KIAA1549L: variants seen among roughly 807,000 people sequenced by gnomAD.
The protein encoded by KIAA1549L is UPF0606 protein KIAA1549L.
Under a neutral mutation model 160.7 loss-of-function variants are expected in KIAA1549L, and 88 were observed. That is an observed-to-expected ratio of 0.55 (90% CI 0.46 to 0.65). The LOEUF is 0.65. Ranked by LOEUF, KIAA1549L falls within the 30% of genes least tolerant of loss-of-function variation. The probability of loss-of-function intolerance (pLI) is 0.00; values close to 1 mark genes in which losing one functional copy is unlikely to be tolerated. For missense variants in KIAA1549L, 2,258 were observed against 2,437.5 expected, an observed-to-expected ratio of 0.93 and a Z score of 1.55; for synonymous variants, 950 against 976.7, an observed-to-expected ratio of 0.97 and a Z score of 0.51.
At chr11:33,570,068 A>G (rs1855196687) in intron 9 of KIAA1549L, among the ~76,000 whole-genome samples, 1 of 150,586 alleles carries the variant, frequency 6.6e-6, no homozygotes, top group Non-Finnish European at 1.5e-5. Context: ...CAGTGGCACA[A>G]TATTGGCACA....
intron 1 of KIAA1549L, among the ~76,000 whole-genome samples, chr11:33,408,318 G>T (rs991385322): frequency 1.3e-5 from 2 of 151,974 alleles, no homozygotes; most frequent in African/African-American, 4.8e-5. Context: ...CTGGGCAGGG[G>T]ACTTCGTCAC....
intron 10 of KIAA1549L, 97 bp from the exon 11 acceptor site, chr11:33,583,241 G>T: frequency 1.7e-6 from 2 of 1,199,158 alleles, no homozygotes; most frequent in Non-Finnish European, 2.3e-6. Flanking sequence ...ACGTCCTTCT[G>T]TCCAGGACTT....
intron 1 of KIAA1549L, among the ~76,000 whole-genome samples, chr11:33,400,783 A>T (rs918284902): frequency 5.9e-5 from 9 of 152,164 alleles, no homozygotes; most frequent in Non-Finnish European, 1.2e-4. Context: ...ATTTCCCATG[A>T]TCCAGACACT....
intron 1 of KIAA1549L, among the ~76,000 whole-genome samples, chr11:33,510,076 C>A (rs973226207): frequency 3.3e-5 from 5 of 152,078 alleles, no homozygotes; most frequent in Non-Finnish European, 1.5e-5. Flanking sequence ...GCCAAGGGAG[C>A]CTTCATTAGT....
chr11:33,570,572 AC>A (rs1470722163), intron 9 of KIAA1549L, among the ~76,000 whole-genome samples: 1 of 152,162 alleles, frequency 6.6e-6, no homozygotes, highest in African/African-American at 2.4e-5. Context: ...GAAAGGAATA[AC>A]ATGCCCCAGT....
chr11:33,519,816 C>T (rs1329042209), intron 1 of KIAA1549L, among the ~76,000 whole-genome samples: 1 of 152,150 alleles, frequency 6.6e-6, no homozygotes, highest in Admixed American at 6.6e-5. Flanking sequence ...CCAGAATGTT[C>T]TGTGGAGGCT....
chr11:33,673,320 A>G lies in KIAA1549L; in HGVS notation c.*5166A>G, dbSNP rs1183381800. On this transcript the variant is annotated 3_prime_UTR_variant, in exon 21 of 21. Coordinates refer to ENST00000658780, the MANE Select transcript of KIAA1549L (RefSeq NM_012194.3). The stretch of plus-strand genomic sequence containing the variant: ...TCTGACTTTGGTCAGACTTTTGCAA[A>G]TTATGGAGAGAGGCCATCAACATAT... The G allele has an allele frequency of 6.6e-6, 1 of 152,168 alleles. No individual in the cohort carries two copies. The highest frequency in any genetic ancestry group is 1.5e-5 in the Non-Finnish European group (1 of 68,024). The allele number at this position is 152,168 out of a possible 1,614,324, so 9.4% of individuals were successfully genotyped here.
At chr11:33,661,857 G>T (rs892588180) in intron 20 of KIAA1549L, among the ~76,000 whole-genome samples, 1 of 136,804 alleles carries the variant, frequency 7.3e-6, no homozygotes, top group Admixed American at 8.2e-5. Context: ...TCCCGCTGGG[G>T]CGATAGAGCA....
intron 16 of KIAA1549L, among the ~76,000 whole-genome samples, chr11:33,633,575 C>T (rs936916592): frequency 6.6e-6 from 1 of 152,150 alleles, no homozygotes; most frequent in Non-Finnish European, 1.5e-5. Flanking sequence ...TCCTCGCTCC[C>T]TGCAGTGCCA....
At chr11:33,594,440 A>G (rs1468072429) in intron 12 of KIAA1549L, among the ~76,000 whole-genome samples, 4 of 152,184 alleles carry the variant, frequency 2.6e-5, no homozygotes, top group East Asian at 1.9e-4. Context: ...GTCAGGTGAC[A>G]GATCAACTGG....
At chr11:33,578,036 CCT>C (rs1855513283) in intron 10 of KIAA1549L, among the ~76,000 whole-genome samples, 1 of 152,192 alleles carries the variant, frequency 6.6e-6, no homozygotes, top group Non-Finnish European at 1.5e-5. Flanking sequence ...TTCCTTCACT[CCT>C]CAAGGCCACC....
intron 18 of KIAA1549L, among the ~76,000 whole-genome samples, chr11:33,656,809 C>G (rs545520859): frequency 1.9e-4 from 29 of 152,172 alleles, no homozygotes; most frequent in African/African-American, 6.5e-4. Flanking sequence ...AGGAGTTTCC[C>G]TCGGAATAGG....
At chr11:33,532,104 A>G (rs1286966475) in intron 1 of KIAA1549L, among the ~76,000 whole-genome samples, 1 of 152,204 alleles carries the variant, frequency 6.6e-6, no homozygotes, top group East Asian at 1.9e-4. Flanking sequence ...AGGCTGCAGA[A>G]TAACTCTTGG....
intron 4 of KIAA1549L, 46 bp downstream of exon 4, chr11:33,547,925 T>C: frequency 8.1e-7 from 1 of 1,230,202 alleles, no homozygotes; most frequent in Non-Finnish European, 1.2e-6. Flanking sequence ...ACAGTCTGGC[T>C]CTTGGGTCTA....
chr11:33,482,386 GT>G (rs1212966509), intron 1 of KIAA1549L, among the ~76,000 whole-genome samples: 3 of 151,722 alleles, frequency 2.0e-5, no homozygotes, highest in African/African-American at 4.8e-5. Flanking sequence ...GGACATTGTT[GT>G]TTTTTCCCCC....
At chr11:33,465,924 A>G (rs1156661441) in intron 1 of KIAA1549L, among the ~76,000 whole-genome samples, 13 of 152,264 alleles carry the variant, frequency 8.5e-5, no homozygotes, top group Admixed American at 8.5e-4. Context: ...CATTCAGGAC[A>G]TAGGCATGGA....
At position 33,609,935 on chromosome 11, in the gene KIAA1549L, C is replaced by T. The variant is rs911393775; in HGVS notation, c.5248C>T (p.Leu1750Phe). Residue 1750 changes from leucine to phenylalanine, a missense_variant, in exon 15 of 21, where the codon CTC becomes TTC. By Grantham distance (22) the Leu-to-Phe change is conservative (BLOSUM62 0). Coordinates refer to ENST00000658780, the MANE Select transcript of KIAA1549L (RefSeq NM_012194.3). ...MEHVLDPDSE[L>F]CAPFTESKNR... The stretch of plus-strand genomic sequence containing the variant: ...GCATGTTTTGGATCCAGATTCAGAA[C>T]TCTGTGCTCCATTCACCGAGTCTAA... The T allele has an allele frequency of 6.2e-7, 1 of 1,613,936 alleles. No individual in the cohort carries two copies. The highest frequency in any genetic ancestry group is 1.3e-5 in the African/African-American group (1 of 75,044).
intron 13 of KIAA1549L, among the ~76,000 whole-genome samples, chr11:33,603,671 G>A (rs34316641): frequency 0.33 from 50,383 of 151,826 alleles, 9,722 homozygotes; most frequent in African/African-American, 0.54. Context: ...GCTGGGCGTG[G>A]TGGCGGGGCC....
chr11:33,660,919 G>T lies in KIAA1549L; in HGVS notation c.6064G>T (p.Gly2022Cys). The change falls in exon 20 of 21, where the codon GGC becomes TGC. Residue 2022 changes from glycine to cysteine, a missense_variant. Coordinates refer to ENST00000658780, the MANE Select transcript of KIAA1549L (RefSeq NM_012194.3). ...IPAANRPGFT[G>C]YFIPTPPSSY... ...AGCTGCCAACAGACCTGGCTTCACC[G>T]GCTACTTCATCCCAACGCCTCCCTC... The T allele has an allele frequency of 6.2e-7, 1 of 1,613,720 alleles. No homozygotes were observed. Among genetic ancestry groups the T allele is most frequent in the Non-Finnish European group, 8.5e-7 (1 of 1,179,796 alleles).
Sources: allele counts gnomAD v4.1 joint callset (sites outside exome capture counted in the v4.1 genomes callset), GRCh38; gene constraint gnomAD v4.1.1; transcripts MANE v1.5; gene names NCBI Gene and HGNC (gene_info 2026-07-23, HGNC 2026-07-21).